MMS22L: variants seen among roughly 807,000 people sequenced by gnomAD.
The protein encoded by MMS22L is MMS22 like, DNA repair protein.
In MMS22L, 74 loss-of-function variants were observed where a neutral mutation model predicts 159.1. The ratio of observed to expected loss-of-function variants is 0.47; its 90% confidence interval spans 0.39 to 0.56. The LOEUF is 0.56. MMS22L is among the 20% of genes least tolerant of loss of function. The pLI is 0.00. For missense variants in MMS22L, 1,351 were observed against 1,422.1 expected, an observed-to-expected ratio of 0.95 and a Z score of 0.80; for synonymous variants, 517 against 506.9, an observed-to-expected ratio of 1.02 and a Z score of -0.27.
At chr6:97,220,956 TGACACACACACA>T (rs774378811) in intron 14 of MMS22L, among the ~76,000 whole-genome samples, 5 of 125,700 alleles carry the variant, frequency 4.0e-5, no homozygotes, top group Non-Finnish European at 8.1e-5. Context: ...ATAAGACCCC[TGACACACACACA>T]CACACACACA....
chr6:97,235,645 C>T (rs757356627), intron 11 of MMS22L, among the ~76,000 whole-genome samples: 1 of 152,154 alleles, frequency 6.6e-6, no homozygotes, highest in Admixed American at 6.5e-5. Context: ...TTGGAAGAAA[C>T]AATATGGAAG....
intron 17 of MMS22L, 30 bp from the exon 18 acceptor site, chr6:97,178,615 C>A: frequency 3.3e-6 from 4 of 1,206,004 alleles, no homozygotes; most frequent in South Asian, 1.6e-5. Flanking sequence ...TTTGTTATAT[C>A]AATTTATATA....
intron 14 of MMS22L, among the ~76,000 whole-genome samples, chr6:97,199,611 G>A (rs1806923444): frequency 6.6e-6 from 1 of 151,936 alleles, no homozygotes; most frequent in Non-Finnish European, 1.5e-5. Flanking sequence ...CTCAAAAAAT[G>A]CAGTAAATTA....
chr6:97,281,407 C>T (rs1251763142), intron 2 of MMS22L, 45 bp from the exon 3 acceptor site: 1 of 1,475,134 alleles, frequency 6.8e-7, no homozygotes, highest in South Asian at 1.2e-5. Context: ...ATACTAAGTA[C>T]CATAATACGA....
At chr6:97,281,216 A>C (rs1816728876) in intron 3 of MMS22L, 21 bp downstream of exon 3, 1 of 1,593,628 alleles carries the variant, frequency 6.3e-7, no homozygotes, top group Non-Finnish European at 8.5e-7. Flanking sequence ...ACACTCACAG[A>C]AAGTTATAAC....
intron 14 of MMS22L, among the ~76,000 whole-genome samples, chr6:97,225,569 G>A (rs896650677): frequency 6.7e-6 from 1 of 150,056 alleles, no homozygotes; most frequent in African/African-American, 2.5e-5. Context: ...GGCTGGTCTC[G>A]AAGTTTTTTT....
At chr6:97,157,241 A>G (rs1801953264) in intron 22 of MMS22L, among the ~76,000 whole-genome samples, 1 of 152,140 alleles carries the variant, frequency 6.6e-6, no homozygotes, top group East Asian at 1.9e-4. Context: ...GGTTTCCTAA[A>G]TATACAATCA....
intron 9 of MMS22L, chr6:97,260,667 G>A (rs1246080333): frequency 6.6e-6 from 1 of 152,266 alleles, no homozygotes; most frequent in East Asian, 1.9e-4. Flanking sequence ...GTTTCTGGGG[G>A]AGAGGGTACC....
chr6:97,155,493 G>A (rs991349311), intron 22 of MMS22L, among the ~76,000 whole-genome samples: 4 of 152,030 alleles, frequency 2.6e-5, no homozygotes, highest in African/African-American at 9.7e-5. Flanking sequence ...GCCCCGGTGT[G>A]TGATGTTCCC....
At chr6:97,167,971 A>G in intron 20 of MMS22L, 100 bp downstream of exon 20, 1 of 1,003,042 alleles carries the variant, frequency 1.0e-6, no homozygotes, top group Non-Finnish European at 1.4e-6. Context: ...ATTTGAGATT[A>G]TAATGTACAG....
chr6:97,233,815 C>G (rs1330360870), intron 12 of MMS22L, 46 bp downstream of exon 12: 1 of 1,551,538 alleles, frequency 6.4e-7, no homozygotes, highest in East Asian at 2.3e-5. Flanking sequence ...CAAATATGTA[C>G]AAATTTTTAA....
intron 22 of MMS22L, among the ~76,000 whole-genome samples, chr6:97,153,092 T>C (rs1047852962): frequency 1.3e-5 from 2 of 151,966 alleles, no homozygotes; most frequent in African/African-American, 4.8e-5. Flanking sequence ...TCCTCCCACC[T>C]TGGCGTCCCA....
At chr6:97,279,185 T>C (rs1353797475) in intron 3 of MMS22L, among the ~76,000 whole-genome samples, 2 of 152,240 alleles carry the variant, frequency 1.3e-5, no homozygotes, top group Admixed American at 1.3e-4. Context: ...AGATACTGTT[T>C]ATATCTTTAA....
At chr6:97,156,512 A>G (rs1582382512) in intron 22 of MMS22L, among the ~76,000 whole-genome samples, 1 of 152,264 alleles carries the variant, frequency 6.6e-6, no homozygotes, top group East Asian at 1.9e-4. Flanking sequence ...TAAGGAATGG[A>G]TCCAGTTTCA....
chr6:97,161,881 C>CCATA (rs35178068), intron 22 of MMS22L, 121 bp downstream of exon 22: 42,772 of 899,198 alleles, frequency 0.048, 2,099 homozygotes, highest in African/African-American at 0.22. Context: ...TAACCATGAC[C>CCATA]CATATCAAGA....
At chr6:97,217,958 C>T (rs1809204853) in intron 14 of MMS22L, among the ~76,000 whole-genome samples, 2 of 152,114 alleles carry the variant, frequency 1.3e-5, no homozygotes, top group Admixed American at 6.6e-5. Context: ...ACAATCTGCA[C>T]TTGTAGATTC....
At chr6:97,247,158 A>G (rs1812749649) in intron 10 of MMS22L, among the ~76,000 whole-genome samples, 1 of 152,150 alleles carries the variant, frequency 6.6e-6, no homozygotes, top group Non-Finnish European at 1.5e-5. Flanking sequence ...AATTTTATAC[A>G]GAAAATAAAT....
In MMS22L at chr6:97,229,323, A is replaced by G; in HGVS notation, c.1610T>C (p.Leu537Pro). Reference protein sequence around the residue: ...GLQNFFSLFLLLAAVAEVEDV... With the variant: ...GLQNFFSLFLPLAAVAEVEDV... ...TTCTACCTCTGCAACAGCTGCTAAC[A>G]GTAGAAAAAGGCTAAAAAAGTTCTG... Residue 537 changes from leucine (L) to proline (P), a missense_variant, in exon 14 of 25, where the codon CTG becomes CCG. Physicochemically the swap from Leu to Pro is moderately conservative, Grantham distance 98. Transcript: ENST00000683635. 6.2e-7 allele frequency: 1 copy of G among 1,613,458 alleles called. No individual in the cohort carries two copies. The highest frequency in any genetic ancestry group is 1.7e-4 in the Middle Eastern group (1 of 6,054).
intron 23 of MMS22L, among the ~76,000 whole-genome samples, chr6:97,150,402 C>CT (rs889505897): frequency 1.3e-5 from 2 of 151,998 alleles, no homozygotes; most frequent in African/African-American, 4.8e-5. Flanking sequence ...TTTTTTAGTT[C>CT]TTTGTAGCTC....
Sources: gnomAD v4.1 joint callset for allele counts (sites outside exome capture counted in the v4.1 genomes callset) on GRCh38, gnomAD v4.1.1 for gene constraint, MANE v1.5 for transcripts, NCBI Gene and HGNC (gene_info 2026-07-23, HGNC 2026-07-21) for gene names.